SMURF2: variants seen among roughly 807,000 people sequenced by gnomAD.
SMURF2 encodes SMAD specific E3 ubiquitin protein ligase 2.
Under a neutral mutation model 109.6 loss-of-function variants are expected in SMURF2, and 48 were observed. The ratio of observed to expected loss-of-function variants is 0.44; its 90% CI spans 0.35 to 0.56. The LOEUF (loss-of-function observed/expected upper bound fraction) is 0.56, where lower values mean the gene tolerates loss of function less well. Among genes scored for constraint, SMURF2 ranks in the 20% least tolerant of loss-of-function variants. The pLI is 0.01. For synonymous variants in SMURF2, 288 were observed against 317.1 expected (o/e 0.91, Z 0.97); for missense variants, 575 against 909.0 (o/e 0.63, Z 4.72).
intron 6 of SMURF2, among the ~76,000 whole-genome samples, chr17:64,584,649 G>C (rs1341822221): frequency 4.6e-5 from 7 of 152,216 alleles, no homozygotes; most frequent in Admixed American, 3.9e-4. Context: ...AAGCCACCAT[G>C]CCTGGCCAAG....
At chr17:64,601,441 T>C (rs1225833469) in intron 2 of SMURF2, among the ~76,000 whole-genome samples, 1 of 152,120 alleles carries the variant, frequency 6.6e-6, no homozygotes, top group Non-Finnish European at 1.5e-5. Context: ...ATAAGCATAA[T>C]GAAAAATGCT....
intron 1 of SMURF2, among the ~76,000 whole-genome samples, chr17:64,650,597 G>A (rs1970623550): frequency 6.6e-6 from 1 of 152,018 alleles, no homozygotes; most frequent in Admixed American, 6.6e-5. Flanking sequence ...TTGGGAGGCC[G>A]AGGTGGGCGG....
chr17:64,586,270 T>G (rs1969651351), intron 5 of SMURF2, 100 bp from the exon 6 acceptor site: 1 of 664,170 alleles, frequency 1.5e-6, no homozygotes, highest in African/African-American at 1.9e-5. Context: ...TAGCTTATTT[T>G]AATACTTTAG....
intron 1 of SMURF2, among the ~76,000 whole-genome samples, chr17:64,650,256 C>T (rs1394661644): frequency 4.2e-5 from 6 of 144,416 alleles, no homozygotes; most frequent in South Asian, 4.3e-4. Context: ...AGGCTGGTCT[C>T]GAACTCCTGA....
In SMURF2 at chr17:64,556,064, T is replaced by C. The variant is rs1173879289; in HGVS notation, c.1432-66A>G. 9 of 1,193,312 alleles carry C rather than the reference T, an allele frequency of 7.5e-6. No homozygotes were observed. In the East Asian group the frequency reaches 2.0e-4, roughly 26 times the overall value. 73.9% of individuals were successfully genotyped at this position (1,193,312 alleles called of 1,614,324 possible). On this transcript the variant is annotated intron_variant, in intron 13 of 18. Coordinates refer to ENST00000262435, the MANE Select transcript of SMURF2 (RefSeq NM_022739.4). Reference sequence around the variant, plus strand: ...CAGGAAAATTTTAATAAAAATGAAATATTTCAGCAACATTAATCTTTTTGA... The same window carrying C: ...CAGGAAAATTTTAATAAAAATGAAACATTTCAGCAACATTAATCTTTTTGA...
intron 1 of SMURF2, among the ~76,000 whole-genome samples, chr17:64,613,743 T>TGTGGGG (rs1970082164): frequency 1.1e-5 from 1 of 92,160 alleles, no homozygotes; most frequent in South Asian, 3.9e-4. Flanking sequence ...TGTGTGTGTG[T>TGTGGGG]GGAGGGGGGG....
chr17:64,577,152 G>C (rs1969504614), intron 9 of SMURF2, among the ~76,000 whole-genome samples: 1 of 151,926 alleles, frequency 6.6e-6, no homozygotes, highest in South Asian at 2.1e-4. Flanking sequence ...CAAAGACTTG[G>C]AATCCACCCA....
Position 64,581,115 on chromosome 17 carries a change from A to T in SMURF2, c.570-124T>A. ...TGTCTGAAAACAGAATGACTAATAC[A>T]AGTATAATGACTTCAAGAACTCTGA... is the stretch of plus-strand genomic sequence containing the variant. On this transcript the variant is annotated intron_variant, in intron 7 of 18. Transcript: ENST00000262435. The surrounding 1 kb of genome is among the most constrained non-coding windows in gnomAD (Gnocchi z 4.3). The T allele has an allele frequency of 1.2e-6, 1 of 833,602 alleles. No homozygotes were observed. 51.6% of individuals were successfully genotyped at this position (833,602 alleles called of 1,614,324 possible). A position where few individuals can be genotyped will look rare whatever the true frequency, so the allele number is the denominator to read the frequency against.
chr17:64,546,378 C>T (rs782701370), intron 17 of SMURF2, 40 bp from the exon 18 acceptor site: 63 of 1,566,360 alleles, frequency 4.0e-5, no homozygotes, highest in Middle Eastern at 1.7e-4. Flanking sequence ...ACTGCAGGTG[C>T]GTGCATTAGT....
chr17:64,547,536 A>G lies in SMURF2; in HGVS notation c.2071+64T>C. The G allele has an allele frequency of 1.5e-6, 2 of 1,374,970 alleles. No individual in the cohort carries two copies. The highest frequency in any genetic ancestry group is 2.1e-6 in the Non-Finnish European group (2 of 965,228). The allele number at this position is 1,374,970 out of a possible 1,614,324, so 85.2% of individuals were successfully genotyped here. A position where few individuals can be genotyped will look rare whatever the true frequency, so the allele number is the denominator to read the frequency against. On this transcript the variant is annotated intron_variant, in intron 17 of 18. Coordinates refer to ENST00000262435, the MANE Select transcript of SMURF2 (RefSeq NM_022739.4). The surrounding 1 kb of genome is among the most constrained non-coding windows in gnomAD (Gnocchi z 4.2). Reference sequence around the variant, plus strand: ...CACATGGTTTACAAAATATCTCCACAGACCCCACGCTGACAGCCCCGCCCC... The same window carrying G: ...CACATGGTTTACAAAATATCTCCACGGACCCCACGCTGACAGCCCCGCCCC...
chr17:64,550,842 T>A (rs1039915497), intron 16 of SMURF2, among the ~76,000 whole-genome samples: 1 of 151,922 alleles, frequency 6.6e-6, no homozygotes, highest in Non-Finnish European at 1.5e-5. Context: ...ATCTTGTCTA[T>A]CAAATGCTTT....
rs1555685590 is a variant in SMURF2 at position 64,571,824 on chromosome 17, C to G, written c.990G>C (p.Leu330=). 6.2e-7 allele frequency: 1 copy of G among 1,610,630 alleles called. No individual in the cohort carries two copies. The highest frequency in any genetic ancestry group is 1.3e-5 in the African/African-American group (1 of 74,756). Residue 330 remains leucine (L), a synonymous_variant, in exon 10 of 19, where the codon CTG becomes CTC. Transcript: ENST00000262435. ...NRTTQFTDPR[L]SANLHLVLNR... ...TTAAAACTAAATGCAAGTTAGCAGA[C>G]AGCCGAGGATCTGTAAATTGTGTTG...
At chr17:64,620,155 C>G (rs1598299638) in intron 1 of SMURF2, among the ~76,000 whole-genome samples, 1 of 152,148 alleles carries the variant, frequency 6.6e-6, no homozygotes, top group South Asian at 2.1e-4. Flanking sequence ...ATACCTAAAG[C>G]AGTTGCCAGA....
At chr17:64,577,554 AAAATAAATAAAT>A (rs144708729) in intron 9 of SMURF2, among the ~76,000 whole-genome samples, 1 of 149,770 alleles carries the variant, frequency 6.7e-6, no homozygotes, top group Non-Finnish European at 1.5e-5. Flanking sequence ...AAAGTATAAT[AAAATAAATAAAT>A]AAATAAATAA....
rs782387206 is a variant in SMURF2, at chr17:64,591,159, G to A, written c.335-10C>T. 3.7e-6 allele frequency: 6 copies of A among 1,610,150 alleles called. No homozygotes were observed. Among genetic ancestry groups the A allele is most frequent in the Admixed American group, 3.4e-5 (2 of 59,488 alleles). On this transcript the variant is annotated splice_polypyrimidine_tract_variant and intron_variant, in intron 4 of 18. Coordinates refer to ENST00000262435, the MANE Select transcript of SMURF2 (RefSeq NM_022739.4). Reference sequence around the variant, plus strand: ...AAATCCAACCTCTGATCTATTTGAAGTCAACAAAGAAAGCAACGAAAAAAT... The same window carrying A: ...AAATCCAACCTCTGATCTATTTGAAATCAACAAAGAAAGCAACGAAAAAAT...
intron 9 of SMURF2, among the ~76,000 whole-genome samples, chr17:64,576,432 G>A (rs1969491721): frequency 6.6e-6 from 1 of 151,942 alleles, no homozygotes; most frequent in African/African-American, 2.4e-5. Context: ...GGTAGGTCGA[G>A]GTGAGCAAAT....
intron 1 of SMURF2, among the ~76,000 whole-genome samples, chr17:64,611,084 T>TA (rs1970037300): frequency 6.6e-6 from 1 of 152,228 alleles, no homozygotes; most frequent in Non-Finnish European, 1.5e-5. Context: ...TGCTGTGCTA[T>TA]AAAACTTGAA....
chr17:64,553,492 G>C (rs1251939282), intron 15 of SMURF2, among the ~76,000 whole-genome samples: 1 of 151,292 alleles, frequency 6.6e-6, no homozygotes, highest in African/African-American at 2.4e-5. Flanking sequence ...GCAACAGAGC[G>C]AGACTCCACC....
chr17:64,563,027 GA>G, intron 10 of SMURF2, 61 bp from the exon 11 acceptor site: 1 of 1,365,632 alleles, frequency 7.3e-7, no homozygotes, highest in Non-Finnish European at 1.0e-6. Context: ...TGCAATTATA[GA>G]TTTAAAATAG....
Sources: gnomAD v4.1 joint callset for allele counts (sites outside exome capture counted in the v4.1 genomes callset) on GRCh38, gnomAD v4.1.1 for gene constraint, Gnocchi (gnomAD v3.1) non-coding constraint, MANE v1.5 for transcripts, NCBI Gene and HGNC (gene_info 2026-07-23, HGNC 2026-07-21) for gene names.